Variants in DGKB observed in about 807,000 individuals in gnomAD.
The protein encoded by DGKB is diacylglycerol kinase beta, also known as 90 kDa diacylglycerol kinase.
A neutral mutation model predicts 114.3 loss-of-function variants in DGKB; 67 were observed. That is an observed-to-expected ratio of 0.59 (90% CI 0.48 to 0.72). The LOEUF (loss-of-function observed/expected upper bound fraction) is 0.72. Ranked by LOEUF, DGKB falls within the 30% of genes least tolerant of loss-of-function variation. The pLI, the probability that DGKB is intolerant of heterozygous loss-of-function variation, is 0.00. For synonymous variants in DGKB, 398 were observed against 323.1 expected (o/e 1.23, Z -2.49); for missense variants, 907 against 975.2 (o/e 0.93, Z 0.93).
chr7:14,289,249 T>C (rs1227773043), intron 23 of DGKB, among the ~76,000 whole-genome samples: 1 of 152,014 alleles, frequency 6.6e-6, no homozygotes, highest in East Asian at 1.9e-4. Flanking sequence ...TTTAAATATT[T>C]CTCCAGGGTG....
intron 4 of DGKB, among the ~76,000 whole-genome samples, chr7:14,738,335 G>T (rs73064715): frequency 0.014 from 2,113 of 152,276 alleles, 36 homozygotes; most frequent in African/African-American, 0.043. Flanking sequence ...GCTTCCTTCT[G>T]TTCCTAGGTC....
Position 14,148,645 on chromosome 7 carries a change from A to G in DGKB, c.*486T>C, listed in dbSNP as rs1392360669. On this transcript the variant is annotated 3_prime_UTR_variant, in exon 26 of 26. Transcript: ENST00000402815. ...ACTATTTAATAAAATCTTCGAATTAAAAGTTTCTCCTCAAGTCATAGGTCA... is the reference window on the plus strand; with the variant it reads ...ACTATTTAATAAAATCTTCGAATTAGAAGTTTCTCCTCAAGTCATAGGTCA... The G allele has an allele frequency of 7.6e-5, 12 of 158,470 alleles. No individual in the cohort carries two copies. The highest frequency in any genetic ancestry group is 7.4e-4 in the Admixed American group (12 of 16,242). 9.8% of individuals were successfully genotyped at this position (158,470 alleles called of 1,614,324 possible).
chr7:14,206,647 G>A (rs1204910782), intron 23 of DGKB, among the ~76,000 whole-genome samples: 1 of 151,980 alleles, frequency 6.6e-6, no homozygotes, highest in Non-Finnish European at 1.5e-5. Flanking sequence ...GATTTTTGAT[G>A]TTGAGAAATC....
chr7:14,724,796 ACAAAT>A, intron 5 of DGKB, among the ~76,000 whole-genome samples: 1 of 152,324 alleles, frequency 6.6e-6, no homozygotes, highest in East Asian at 1.9e-4. Context: ...AAAGGTGAAG[ACAAAT>A]CATCTCATTC....
intron 21 of DGKB, among the ~76,000 whole-genome samples, chr7:14,435,631 T>C (rs1394177784): frequency 1.3e-5 from 2 of 152,102 alleles, no homozygotes; most frequent in Non-Finnish European, 2.9e-5. Context: ...CCCAACATTA[T>C]ATTCAATGCC....
chr7:14,326,551 A>AGAT (rs1808772568), intron 23 of DGKB, among the ~76,000 whole-genome samples: 1 of 152,144 alleles, frequency 6.6e-6, no homozygotes, highest in Non-Finnish European at 1.5e-5. Flanking sequence ...AAATCTGAAG[A>AGAT]AAACATTATT....
chr7:14,285,787 A>G (rs2128463571), intron 23 of DGKB, among the ~76,000 whole-genome samples: 1 of 152,326 alleles, frequency 6.6e-6, no homozygotes, highest in Admixed American at 6.5e-5. Context: ...GAACACAGTT[A>G]TGAGACAAAT....
At chr7:14,307,374 A>T (rs1427821468) in intron 23 of DGKB, among the ~76,000 whole-genome samples, 1 of 152,214 alleles carries the variant, frequency 6.6e-6, no homozygotes, top group Non-Finnish European at 1.5e-5. Flanking sequence ...ATAAGCTTTC[A>T]TCCAAGACAT....
intron 1 of DGKB, among the ~76,000 whole-genome samples, chr7:14,940,575 T>C (rs1469573474): frequency 6.6e-6 from 1 of 152,126 alleles, no homozygotes; most frequent in Admixed American, 6.6e-5. Context: ...CAACTGGTGA[T>C]CCAGTTTTGG....
At chr7:14,285,009 A>G (rs2079547) in intron 23 of DGKB, among the ~76,000 whole-genome samples, 116,447 of 151,654 alleles carry the variant, frequency 0.77, 45,665 homozygotes, top group South Asian at 0.86. Context: ...CTTAAAGTAT[A>G]ATAATAAAAA....
chr7:14,801,933 C>CACAT (rs1157677856), intron 2 of DGKB, among the ~76,000 whole-genome samples: 4 of 151,300 alleles, frequency 2.6e-5, no homozygotes, highest in African/African-American at 9.7e-5. Flanking sequence ...TATACACACA[C>CACAT]ACACACACAC....
intron 20 of DGKB, among the ~76,000 whole-genome samples, chr7:14,494,664 C>T (rs1437347066): frequency 6.6e-6 from 1 of 151,934 alleles, no homozygotes; most frequent in African/African-American, 2.4e-5. Context: ...AAAAACATCA[C>T]TCATTCTCTG....
chr7:14,708,618 T>A (rs1392582481), intron 6 of DGKB, among the ~76,000 whole-genome samples: 2 of 151,278 alleles, frequency 1.3e-5, no homozygotes, highest in South Asian at 2.1e-4. Flanking sequence ...AAAACAGAGA[T>A]ATAAATCAAT....
chr7:14,647,130 A>T (rs1334875956), intron 13 of DGKB, among the ~76,000 whole-genome samples: 2 of 152,076 alleles, frequency 1.3e-5, no homozygotes, highest in East Asian at 1.9e-4. Flanking sequence ...AGGAGACATT[A>T]CAACTGATAC....
intron 23 of DGKB, among the ~76,000 whole-genome samples, chr7:14,320,693 T>C: frequency 6.6e-6 from 1 of 152,044 alleles, no homozygotes; most frequent in East Asian, 1.9e-4. Flanking sequence ...TGACCTATAA[T>C]AGAATCATTT....
chr7:14,188,217 G>A (rs1327828804), intron 23 of DGKB, among the ~76,000 whole-genome samples: 1 of 152,130 alleles, frequency 6.6e-6, no homozygotes. Context: ...AGGACTTATG[G>A]GACACCATCA....
chr7:14,454,737 T>C (rs1378008121), intron 21 of DGKB, among the ~76,000 whole-genome samples: 1 of 152,048 alleles, frequency 6.6e-6, no homozygotes, highest in Non-Finnish European at 1.5e-5. Context: ...GACCCCTGCA[T>C]TATAGCATCA....
At chr7:14,623,009 C>T (rs1392852975) in intron 14 of DGKB, among the ~76,000 whole-genome samples, 1 of 152,160 alleles carries the variant, frequency 6.6e-6, no homozygotes, top group Non-Finnish European at 1.5e-5. Flanking sequence ...TAATTGTCTG[C>T]ATTCTTTCAT....
At chr7:14,514,492 A>T (rs1029047061) in intron 20 of DGKB, among the ~76,000 whole-genome samples, 5 of 152,144 alleles carry the variant, frequency 3.3e-5, no homozygotes, top group Admixed American at 6.5e-5. Context: ...CACCCAATAG[A>T]ATTTTATTGT....
Sources: gnomAD v4.1 joint callset for allele counts (sites outside exome capture counted in the v4.1 genomes callset) on GRCh38, gnomAD v4.1.1 for gene constraint, MANE v1.5 for transcripts, NCBI Gene and HGNC (gene_info 2026-07-23, HGNC 2026-07-21) for gene names.